Variants in RAD17 observed in about 807,000 individuals in gnomAD.
RAD17 encodes cell cycle checkpoint protein RAD17.
In RAD17, 31 loss-of-function variants were observed where a neutral mutation model predicts 81.5. That is an observed-to-expected ratio of 0.38 (90% CI 0.29 to 0.51). RAD17 has a LOEUF of 0.51. Ranked by LOEUF, RAD17 falls within the 20% of genes least tolerant of loss-of-function variation. The probability of loss-of-function intolerance (pLI) is 0.88; values close to 1 mark genes in which losing one functional copy is unlikely to be tolerated. For synonymous variants in RAD17, 261 were observed against 266.2 expected (o/e 0.98, Z 0.19); for missense variants, 681 against 781.2 (o/e 0.87, Z 1.53).
At chr5:69,372,244 T>C (rs1437561675) in intron 4 of RAD17, 27 bp downstream of exon 4, 4 of 1,544,234 alleles carry the variant, frequency 2.6e-6, no homozygotes, top group South Asian at 2.2e-5. Context: ...TTTTTTCCAG[T>C]GGTCTTCCTT....
intron 18 of RAD17, among the ~76,000 whole-genome samples, chr5:69,413,272 C>T (rs1159933410): frequency 2.0e-5 from 3 of 152,040 alleles, no homozygotes; most frequent in Admixed American, 1.3e-4. Flanking sequence ...GAAACCCCAT[C>T]TCTACTAAAA....
intron 6 of RAD17, among the ~76,000 whole-genome samples, chr5:69,380,847 C>G (rs888091498): frequency 5.3e-5 from 8 of 151,522 alleles, no homozygotes; most frequent in Admixed American, 4.6e-4. Context: ...CTCATTGCAG[C>G]CTCCACCTCC....
At chr5:69,406,134 G>C (rs1765588639) in intron 17 of RAD17, among the ~76,000 whole-genome samples, 1 of 151,754 alleles carries the variant, frequency 6.6e-6, no homozygotes, top group Non-Finnish European at 1.5e-5. Flanking sequence ...CAATAACCAA[G>C]ATATAGCGTC....
chr5:69,409,968 A>T (rs1765866386), intron 17 of RAD17, among the ~76,000 whole-genome samples: 1 of 152,206 alleles, frequency 6.6e-6, no homozygotes, highest in East Asian at 1.9e-4. Flanking sequence ...ATGTCATCGC[A>T]GTTCATTTGT....
chr5:69,371,146 G>C lies in RAD17; in HGVS notation c.-305G>C. The C allele has an allele frequency of 2.0e-6, 1 of 490,970 alleles. No homozygotes were observed. Among genetic ancestry groups the C allele is most frequent in the Non-Finnish European group, 3.9e-6 (1 of 253,544 alleles). 30.4% of individuals were successfully genotyped at this position (490,970 alleles called of 1,614,324 possible). A position where few individuals can be genotyped will look rare whatever the true frequency, so the allele number is the denominator to read the frequency against. On this transcript the variant is annotated 5_prime_UTR_variant, in exon 2 of 19. Coordinates refer to ENST00000354868, the MANE Select transcript of RAD17 (RefSeq NM_133338.3). ...TTTCAGTATAAAAATTGCTCAAATA[G>C]AATTGCCTGATTTTAATGACAAAAG...
At chr5:69,373,745 A>C in intron 4 of RAD17, 85 bp from the exon 5 acceptor site, 1 of 643,722 alleles carries the variant, frequency 1.6e-6, no homozygotes, top group Non-Finnish European at 2.5e-6. Flanking sequence ...ATATATGAAT[A>C]TGTTGTTTCC....
rs774489451 is a variant in RAD17 at position 69,396,404 on chromosome 5, C to G, written c.1430C>G (p.Ser477Cys). The G allele has an allele frequency of 2.1e-5, 34 of 1,610,238 alleles. No homozygotes were observed. The highest frequency in any genetic ancestry group is 1.7e-4 in the Middle Eastern group (1 of 6,056). The change falls in exon 16 of 19, where the codon TCT (serine) becomes TGT (cysteine). Residue 477 changes from serine (S) to cysteine (C), a missense_variant. By Grantham distance (112) the Ser-to-Cys change is moderately radical. Transcript: ENST00000354868. ...TCTTGTCTCATTTGTTAGACACGCT[C>G]TTTACTCAGGGAATATAGCACATCT... is the stretch of plus-strand genomic sequence containing the variant. Reference protein sequence around the residue: ...DILSGDWNTRSLLREYSTSIA... With the variant: ...DILSGDWNTRCLLREYSTSIA...
At position 69,404,626 on chromosome 5, in the gene RAD17, G is replaced by A. The variant is rs186280230; in HGVS notation, c.1693+4457G>A. 2.9e-3 allele frequency among the ~76,000 whole-genome samples: 445 copies of A among 152,162 alleles called. 2 individuals are homozygous for A. The highest frequency in any genetic ancestry group is 0.01 in the African/African-American group (421 of 41,506). On this transcript the variant is annotated intron_variant, in intron 17 of 18. Transcript: ENST00000354868. ...GTACTGAAAATACAAAAAATTAGCT[G>A]GGTGCAGTGGTGGGCGCCTGTAATC...
At chr5:69,413,980 A>T (rs767312602) in intron 18 of RAD17, 51 bp from the exon 19 acceptor site, 4 of 1,582,268 alleles carry the variant, frequency 2.5e-6, no homozygotes, top group Middle Eastern at 1.8e-4. Flanking sequence ...GGTGTAATTT[A>T]AAAATCTTCT....
chr5:69,401,642 T>C (rs1177348680), intron 17 of RAD17, among the ~76,000 whole-genome samples: 3 of 152,132 alleles, frequency 2.0e-5, no homozygotes, highest in Non-Finnish European at 4.4e-5. Flanking sequence ...ATGATTAATC[T>C]GTTGATCAGA....
Position 69,389,255 on chromosome 5 carries a change from CCTT to C in RAD17, c.1006+114_1006+116del, listed in dbSNP as rs1188550925. 5.5e-6 allele frequency: 3 copies of C among 541,636 alleles called. No individual in the cohort carries two copies. The East Asian group carries it at 9.8e-5, about 18-fold the overall frequency. The allele number at this position is 541,636 out of a possible 1,614,324, so 33.6% of individuals were successfully genotyped here. ...TTACATTTGGTCTATACCTATTTAT[CCTT>C]CTTTATTACTGAGACAGTGGCTTAA... On this transcript the variant is annotated intron_variant, in intron 12 of 18. Coordinates refer to ENST00000354868, the MANE Select transcript of RAD17 (RefSeq NM_133338.3).
At chr5:69,377,619 A>G (rs1439772593) in intron 6 of RAD17, among the ~76,000 whole-genome samples, 1 of 63,704 alleles carries the variant, frequency 1.6e-5, no homozygotes, top group African/African-American at 6.4e-5. Flanking sequence ...GTATACATAT[A>G]TATGCATATA....
At chr5:69,410,462 T>C (rs766698995) in intron 17 of RAD17, 31 bp from the exon 18 acceptor site, 7 of 1,573,854 alleles carry the variant, frequency 4.4e-6, no homozygotes, top group Middle Eastern at 1.8e-4. Flanking sequence ...CTTTGGAAAA[T>C]TGTTTACAAC....
chr5:69,393,084 T>G, intron 13 of RAD17, 71 bp from the exon 14 acceptor site: 1 of 1,022,692 alleles, frequency 9.8e-7, no homozygotes, highest in Non-Finnish European at 1.4e-6. Context: ...ATTTTCAAAC[T>G]CTTCAAATGA....
intron 4 of RAD17, among the ~76,000 whole-genome samples, chr5:69,373,520 T>C (rs996350297): frequency 6.6e-5 from 10 of 151,876 alleles, no homozygotes; most frequent in African/African-American, 2.4e-4. Context: ...CTGGGCAACA[T>C]GGCAAAAACC....
intron 6 of RAD17, among the ~76,000 whole-genome samples, chr5:69,377,678 CATAT>C (rs56053836): frequency 0.12 from 586 of 4,936 alleles, 250 homozygotes; most frequent in Non-Finnish European, 0.46. Flanking sequence ...TATATATATG[CATAT>C]ATATATATGT....
At chr5:69,404,625 T>C (rs1168411) in intron 17 of RAD17, among the ~76,000 whole-genome samples, 75,542 of 151,700 alleles carry the variant, frequency 0.5, 18,817 homozygotes, top group South Asian at 0.54. Flanking sequence ...AAAAATTAGC[T>C]GGGTGCAGTG....
In RAD17 at chr5:69,408,377, A is replaced by G. The variant is rs575904432; in HGVS notation, c.1694-2116A>G. Among the ~76,000 whole-genome samples, 96 of 152,072 alleles carry G rather than the reference A, an allele frequency of 6.3e-4. 2 individuals carry two copies. In the South Asian group the frequency reaches 0.019, roughly 31 times the overall value. ...GCCTTCCTCCCTCTTCAGAGAGCTCATCCTTGGCTGTGCCCACAGTTTACT... is the reference window on the plus strand; with the variant it reads ...GCCTTCCTCCCTCTTCAGAGAGCTCGTCCTTGGCTGTGCCCACAGTTTACT... On this transcript the variant is annotated intron_variant, in intron 17 of 18. Transcript: ENST00000354868.
chr5:69,369,816 C>G (rs911339377), upstream of RAD17: 7 of 1,098,870 alleles, frequency 6.4e-6, no homozygotes, highest in Admixed American at 1.2e-4. Context: ...CCCCGGGAGG[C>G]CGTACCTCCG....
Sources: gnomAD v4.1 joint callset for allele counts (sites outside exome capture counted in the v4.1 genomes callset) on GRCh38, gnomAD v4.1.1 for gene constraint, MANE v1.5 for transcripts, NCBI Gene and HGNC (gene_info 2026-07-23, HGNC 2026-07-21) for gene names.